Variants in CYP4X1 observed in about 807,000 individuals in gnomAD.
CYP4X1 encodes cytochrome P450 family 4 subfamily X member 1.
In CYP4X1, 44 loss-of-function variants were observed where a neutral mutation model predicts 57.9. That is an observed-to-expected ratio of 0.76 (90% CI 0.60 to 0.98). CYP4X1 has a LOEUF of 0.98. Ranked by LOEUF, CYP4X1 falls within the 50% of genes least tolerant of loss-of-function variation. The pLI is 0.00. For missense variants in CYP4X1, 532 were observed against 623.9 expected, an observed-to-expected ratio of 0.85 and a Z score of 1.57; for synonymous variants, 227 against 228.6, an observed-to-expected ratio of 0.99 and a Z score of 0.06.
chr1:46,961,933 C>T, the CYP4X1 span, among the ~76,000 whole-genome samples: 9 of 152,104 alleles, frequency 5.9e-5, no homozygotes, highest in Non-Finnish European at 1.0e-4. Context: ...GAGCTTCTGG[C>T]TGGCTGGCAG....
At chr1:47,024,122 C>G (rs558253703) in intron 1 of CYP4X1, 128 bp downstream of exon 1, 3 of 1,130,368 alleles carry the variant, frequency 2.7e-6, no homozygotes, top group East Asian at 2.7e-5. Flanking sequence ...ACTGGCCTTT[C>G]CAGCCCGGCC....
the CYP4X1 span, among the ~76,000 whole-genome samples, chr1:47,010,975 A>G: frequency 1.3e-5 from 2 of 152,218 alleles, no homozygotes; most frequent in Non-Finnish European, 2.9e-5. Context: ...GAAAATGGCT[A>G]TACTGCCCAT....
chr1:46,987,608 T>C, the CYP4X1 span, among the ~76,000 whole-genome samples: 1 of 152,310 alleles, frequency 6.6e-6, no homozygotes, highest in Non-Finnish European at 1.5e-5. Context: ...ATTGCACTTA[T>C]TCTAAAATTG....
chr1:47,025,910 T>C (rs1182090110), intron 1 of CYP4X1, among the ~76,000 whole-genome samples: 1 of 152,206 alleles, frequency 6.6e-6, no homozygotes, highest in Non-Finnish European at 1.5e-5. Flanking sequence ...ATCTCTACTG[T>C]CTCATGAATA....
the CYP4X1 span, among the ~76,000 whole-genome samples, chr1:46,981,994 TG>T: frequency 2.6e-5 from 4 of 151,768 alleles, no homozygotes; most frequent in Admixed American, 6.6e-5. Flanking sequence ...GATGGGGAGA[TG>T]GGGGAGGGAT....
the CYP4X1 span, among the ~76,000 whole-genome samples, chr1:47,018,597 G>C: frequency 6.6e-6 from 1 of 152,106 alleles, no homozygotes; most frequent in Non-Finnish European, 1.5e-5. Context: ...AGGTTGACCT[G>C]TTCCCAGTAG....
the CYP4X1 span, among the ~76,000 whole-genome samples, chr1:47,006,946 G>A: frequency 1.3e-5 from 2 of 152,236 alleles, no homozygotes; most frequent in South Asian, 4.1e-4. Flanking sequence ...CAAACTGGGT[G>A]GAGCCCACCA....
chr1:46,999,735 G>T, the CYP4X1 span, among the ~76,000 whole-genome samples: 1 of 143,900 alleles, frequency 6.9e-6, no homozygotes, highest in African/African-American at 2.6e-5. Context: ...CAATTTGTGG[G>T]CTGTCTTTTA....
the CYP4X1 span, among the ~76,000 whole-genome samples, chr1:46,975,566 C>T: frequency 6.6e-6 from 1 of 152,144 alleles, no homozygotes; most frequent in Admixed American, 6.5e-5. Context: ...TGGAGGATGA[C>T]CTGCCCCTTC....
chr1:47,054,355 T>A (rs2148519447), downstream of CYP4X1, among the ~76,000 whole-genome samples: 1 of 152,332 alleles, frequency 6.6e-6, no homozygotes, highest in East Asian at 1.9e-4. Context: ...GGTAGCATGA[T>A]GCCTCCAGCT....
the CYP4X1 span, among the ~76,000 whole-genome samples, chr1:46,969,772 C>G: frequency 2.0e-5 from 3 of 152,216 alleles, no homozygotes; most frequent in East Asian, 5.8e-4. Context: ...AAGGCCTTTC[C>G]CCACAGTCAG....
the CYP4X1 span, among the ~76,000 whole-genome samples, chr1:47,017,168 G>A: frequency 6.6e-6 from 1 of 152,238 alleles, no homozygotes; most frequent in Non-Finnish European, 1.5e-5. Context: ...AAACATGGGA[G>A]TGCAGATATC....
chr1:47,001,216 CTT>C, the CYP4X1 span: 1 of 156,514 alleles, frequency 6.4e-6, no homozygotes, highest in Non-Finnish European at 1.4e-5. Flanking sequence ...TTGGTTCACA[CTT>C]TCCCCTGACC....
At chr1:47,052,777 A>C (rs1417252297), downstream of CYP4X1, among the ~76,000 whole-genome samples, 1 of 121,374 alleles carries the variant, frequency 8.2e-6, no homozygotes, top group Admixed American at 8.1e-5. Context: ...GTTCTCCTAA[A>C]TAAATAAACA....
the CYP4X1 span, among the ~76,000 whole-genome samples, chr1:47,015,432 A>G: frequency 1.3e-5 from 2 of 152,212 alleles, no homozygotes; most frequent in Admixed American, 1.3e-4. Flanking sequence ...CTGCCGTGGC[A>G]GAAGATGCCT....
Position 47,033,317 on chromosome 1 carries a change from C to T in CYP4X1, c.441C>T (p.Asn147=). ...RRLLTPGFHF[N]ILKAYIEVMA... is the part of the protein sequence containing the mutation. ...TACTAACTCCTGGATTCCATTTTAA[C>T]ATCCTGAAAGCATACATTGAGGTGA... The change falls in exon 4 of 12, where the codon AAC becomes AAT. Residue 147 remains asparagine (N), a synonymous_variant. Transcript: ENST00000371901. The T allele has an allele frequency of 1.9e-6, 3 of 1,613,846 alleles. No individual in the cohort carries two copies. Among genetic ancestry groups the T allele is most frequent in the Non-Finnish European group, 2.5e-6 (3 of 1,179,840 alleles).
rs536259094 is a variant in CYP4X1, at chr1:47,039,597, G to T, written c.1073+65G>T. On this transcript the variant is annotated intron_variant, in intron 8 of 11. Coordinates refer to ENST00000371901, the MANE Select transcript of CYP4X1 (RefSeq NM_178033.2). The stretch of plus-strand genomic sequence containing the variant: ...CCTGAGATTTTGCTTTATTTTTTGC[G>T]CTGGTACCTTAGTGACCCTAGTGCC... The T allele has an allele frequency of 2.1e-6, 3 of 1,402,534 alleles. No individual in the cohort carries two copies. In the Admixed American group the frequency reaches 7.2e-5, roughly 34 times the overall value. 86.9% of individuals were successfully genotyped at this position (1,402,534 alleles called of 1,614,324 possible).
the CYP4X1 span, among the ~76,000 whole-genome samples, chr1:47,007,903 C>T: frequency 2.4e-3 from 372 of 152,226 alleles, no homozygotes; most frequent in Admixed American, 4.6e-3. Flanking sequence ...AACAAAGCCT[C>T]CAAGAAATAT....
chr1:47,039,936 T>C (rs1644227184), intron 8 of CYP4X1, among the ~76,000 whole-genome samples: 1 of 152,116 alleles, frequency 6.6e-6, no homozygotes, highest in Admixed American at 6.5e-5. Context: ...ATTTTAGACA[T>C]CTCCCAGCCG....
Sources: gnomAD v4.1 joint callset for allele counts (sites outside exome capture counted in the v4.1 genomes callset) on GRCh38, gnomAD v4.1.1 for gene constraint, MANE v1.5 for transcripts, NCBI Gene and HGNC (gene_info 2026-07-23, HGNC 2026-07-21) for gene names.